The following EPB41L2 variants were observed in gnomAD, a reference collection of about 807,000 sequenced individuals.
The protein encoded by EPB41L2 is band 4.1-like protein 2.
EPB41L2 carries 43 observed loss-of-function variants against 113.0 expected under a neutral mutation model. The observed-to-expected ratio is 0.38, with a 90% CI of 0.30 to 0.49. The LOEUF (loss-of-function observed/expected upper bound fraction) is 0.49. EPB41L2 is among the 20% of genes least tolerant of loss of function. The pLI, the probability that EPB41L2 is intolerant of heterozygous loss-of-function variation, is 0.95. For synonymous variants in EPB41L2, 442 were observed against 436.7 expected (o/e 1.01, Z -0.15); for missense variants, 1,147 against 1,223.4 (o/e 0.94, Z 0.93).
At chr6:130,890,215 T>A in intron 11 of EPB41L2, 79 bp downstream of exon 11, 1 of 1,432,080 alleles carries the variant, frequency 7.0e-7, no homozygotes, top group South Asian at 1.7e-5. Context: ...GGTGGCTTTA[T>A]TAACTGGATT....
chr6:131,057,023 A>G (rs1797730114), intron 1 of EPB41L2, among the ~76,000 whole-genome samples: 1 of 152,186 alleles, frequency 6.6e-6, no homozygotes, highest in African/African-American at 2.4e-5. Flanking sequence ...ACAATGGGAG[A>G]TAGGGGAGAA....
intron 1 of EPB41L2, among the ~76,000 whole-genome samples, chr6:130,958,953 C>T (rs1373903385): frequency 6.6e-6 from 1 of 152,166 alleles, no homozygotes; most frequent in Non-Finnish European, 1.5e-5. Context: ...AAGACTGAAG[C>T]AGAAAGACAT....
intron 7 of EPB41L2, 147 bp downstream of exon 7, chr6:130,900,815 C>T (rs1796076734): frequency 2.6e-6 from 2 of 772,464 alleles, no homozygotes; most frequent in African/African-American, 1.7e-5. Flanking sequence ...CTCAAGGGCT[C>T]CACGTTGCCT....
At chr6:131,035,179 A>G (rs1021484548) in intron 1 of EPB41L2, among the ~76,000 whole-genome samples, 2 of 152,228 alleles carry the variant, frequency 1.3e-5, no homozygotes, top group African/African-American at 2.4e-5. Context: ...TCTTGTTGTG[A>G]GACAGTTTCA....
chr6:130,860,647 C>T (rs372681741), intron 18 of EPB41L2, among the ~76,000 whole-genome samples: 50 of 152,302 alleles, frequency 3.3e-4, no homozygotes, highest in African/African-American at 1.1e-3. Flanking sequence ...ATTCTCCTGC[C>T]TCAGCCTCCC....
At chr6:130,943,367 A>G (rs770490177) in intron 3 of EPB41L2, among the ~76,000 whole-genome samples, 1 of 152,260 alleles carries the variant, frequency 6.6e-6, no homozygotes, top group African/African-American at 2.4e-5. Flanking sequence ...TATTCTGAAA[A>G]TAACTTTTCC....
At chr6:131,044,211 A>G (rs773645993) in intron 1 of EPB41L2, among the ~76,000 whole-genome samples, 7 of 151,736 alleles carry the variant, frequency 4.6e-5, no homozygotes, top group Non-Finnish European at 1.0e-4. Context: ...TTTTTTGTAG[A>G]GATGGAGTTT....
chr6:130,976,481 GA>G lies in EPB41L2; in HGVS notation c.-14-19983del, dbSNP rs199606231. Reference sequence around the variant, plus strand: ...AATTACATTTTTAAGATGTAATGTTGAAAAGTACTGTAGATTTATGGGACTC... The same window carrying G: ...AATTACATTTTTAAGATGTAATGTTGAAAGTACTGTAGATTTATGGGACTC... On this transcript the variant is annotated intron_variant, in intron 1 of 19. Transcript: ENST00000337057. 8.3e-3 allele frequency among the ~76,000 whole-genome samples: 1,271 copies of G among 152,248 alleles called. 7 individuals carry two copies. Among genetic ancestry groups the G allele is most frequent in the Non-Finnish European group, 0.014 (955 of 68,018 alleles).
intron 19 of EPB41L2, among the ~76,000 whole-genome samples, chr6:130,850,951 C>T (rs1778607649): frequency 6.6e-6 from 1 of 152,176 alleles, no homozygotes; most frequent in Non-Finnish European, 1.5e-5. Context: ...TGAAAACTGG[C>T]TATGCCTAAA....
chr6:130,861,271 G>A lies in EPB41L2; in HGVS notation c.2910+2367C>T, dbSNP rs1050350355. Among the ~76,000 whole-genome samples, 17 of 150,694 alleles carry A rather than the reference G, an allele frequency of 1.1e-4. No homozygotes were observed. In the East Asian group the frequency reaches 2.8e-3, roughly 25 times the overall value. Reference sequence around the variant, plus strand: ...GTATTTTTAGTAGAGACAGGGTTTCGCTGTGTTAGCCAGGATGGTCTCCAT... The same window carrying A: ...GTATTTTTAGTAGAGACAGGGTTTCACTGTGTTAGCCAGGATGGTCTCCAT... On this transcript the variant is annotated intron_variant, in intron 18 of 19. Coordinates refer to ENST00000337057, the MANE Select transcript of EPB41L2 (RefSeq NM_001431.4).
At chr6:130,996,529 ATC>A (rs1206994948) in intron 1 of EPB41L2, among the ~76,000 whole-genome samples, 4 of 152,224 alleles carry the variant, frequency 2.6e-5, no homozygotes, top group African/African-American at 9.6e-5. Flanking sequence ...TCTGATGCAC[ATC>A]TTCTGTAGGC....
In EPB41L2 at chr6:130,904,508, A is replaced by C; in HGVS notation, c.886T>G (p.Phe296Val). 6.2e-7 allele frequency: 1 copy of C among 1,607,340 alleles called. No homozygotes were observed. Among genetic ancestry groups the C allele is most frequent in the Non-Finnish European group, 8.5e-7 (1 of 1,175,370 alleles). The change falls in exon 6 of 20, where the codon TTT becomes GTT. Residue 296 changes from phenylalanine to valine, a missense_variant. Phe to Val is a conservative substitution (Grantham distance 50). Coordinates refer to ENST00000337057, the MANE Select transcript of EPB41L2 (RefSeq NM_001431.4). ...LPWLFTFNVKFYPPDPSQLTE... is the reference protein window; with the variant it reads ...LPWLFTFNVKVYPPDPSQLTE... ...AATTGAGAAGGATCAGGAGGATAAA[A>C]CTTCACATTAAAAGTGAATAGCCAT...
At chr6:130,863,492 C>T (rs1258687342) in intron 18 of EPB41L2, 146 bp downstream of exon 18, 2 of 574,374 alleles carry the variant, frequency 3.5e-6, no homozygotes, top group Non-Finnish European at 6.2e-6. Flanking sequence ...TGTATCCAGG[C>T]TGTGTCTTTA....
At chr6:130,953,674 A>C (rs1212373584) in intron 3 of EPB41L2, among the ~76,000 whole-genome samples, 1 of 151,948 alleles carries the variant, frequency 6.6e-6, no homozygotes, top group Non-Finnish European at 1.5e-5. Flanking sequence ...TAAAAAAAAA[A>C]CAAAAAAGAG....
chr6:130,927,143 T>C lies in EPB41L2; in HGVS notation c.706-434A>G, dbSNP rs527957404. ...AATTTATCCTATCAACACTTTGGTTTCATGTTTGATTTTTTGTTCCATGAT... is the reference window on the plus strand; with the variant it reads ...AATTTATCCTATCAACACTTTGGTTCCATGTTTGATTTTTTGTTCCATGAT... On this transcript the variant is annotated intron_variant, in intron 3 of 19. Transcript: ENST00000337057. Among the ~76,000 whole-genome samples, 36 of 152,322 alleles carry C rather than the reference T, an allele frequency of 2.4e-4. No individual in the cohort carries two copies. The South Asian group carries it at 7.3e-3, about 31-fold the overall frequency.
At chr6:130,866,831 TGTG>T (rs1783898265) in intron 16 of EPB41L2, among the ~76,000 whole-genome samples, 1 of 152,208 alleles carries the variant, frequency 6.6e-6, no homozygotes, top group South Asian at 2.1e-4. Context: ...ACAGAACCAA[TGTG>T]TGAAAACCTA....
chr6:130,941,793 G>A (rs1018401400), intron 3 of EPB41L2, among the ~76,000 whole-genome samples: 4 of 152,166 alleles, frequency 2.6e-5, no homozygotes, highest in Non-Finnish European at 5.9e-5. Context: ...ACACTTATGA[G>A]ATGTAGTTTG....
At chr6:131,036,328 T>C (rs1024923736) in intron 1 of EPB41L2, among the ~76,000 whole-genome samples, 1 of 152,068 alleles carries the variant, frequency 6.6e-6, no homozygotes, top group African/African-American at 2.4e-5. Flanking sequence ...GGAGAAAACA[T>C]GAACTGCTCA....
At chr6:130,927,603 C>T (rs1805207109) in intron 3 of EPB41L2, among the ~76,000 whole-genome samples, 1 of 152,126 alleles carries the variant, frequency 6.6e-6, no homozygotes, top group Non-Finnish European at 1.5e-5. Flanking sequence ...AAACGAATGC[C>T]CTCTCACTAT....
Sources: gnomAD v4.1 joint callset for allele counts (sites outside exome capture counted in the v4.1 genomes callset) on GRCh38, gnomAD v4.1.1 for gene constraint, MANE v1.5 for transcripts, NCBI Gene and HGNC (gene_info 2026-07-23, HGNC 2026-07-21) for gene names.